The following XXYLT1 variants were observed in gnomAD, a reference collection of about 807,000 sequenced individuals.
The protein encoded by XXYLT1 is xyloside xylosyltransferase 1, also known as UDP-xylose:alpha-xyloside alpha-1,3-xylosyltransferase.
XXYLT1 carries 20 observed loss-of-function variants against 28.9 expected under a neutral mutation model. The observed-to-expected ratio is 0.69, with a 90% CI of 0.49 to 1.00. The LOEUF (loss-of-function observed/expected upper bound fraction) is 1.00, where lower values mean the gene tolerates loss of function less well. XXYLT1 is among the 50% of genes least tolerant of loss of function. The probability of loss-of-function intolerance (pLI) is 0.00; values close to 1 mark genes in which losing one functional copy is unlikely to be tolerated. For synonymous variants in XXYLT1, 257 were observed against 253.8 expected, an observed-to-expected ratio of 1.01 and a Z score of -0.12; for missense variants, 542 against 560.1, an observed-to-expected ratio of 0.97 and a Z score of 0.33.
chr3:195,146,983 G>A (rs1468330201), intron 3 of XXYLT1: 1 of 153,708 alleles, frequency 6.5e-6, no homozygotes, highest in African/African-American at 2.4e-5. Flanking sequence ...GGAACTACAG[G>A]TGCAGGCTAC....
Position 195,234,410 on chromosome 3 carries a change from C to T in XXYLT1, c.505-7554G>A, listed in dbSNP as rs188623285. The stretch of plus-strand genomic sequence containing the variant: ...TCAGCTCACTGCAACCTCTTGCCTC[C>T]CAGATTAAAGCGATTGTCCTGCCTC... On this transcript the variant is annotated intron_variant, in intron 1 of 3. Transcript: ENST00000310380. 2.0e-5 allele frequency among the ~76,000 whole-genome samples: 3 copies of T among 148,154 alleles called. No homozygotes were observed. The East Asian group carries it at 6.0e-4, about 30-fold the overall frequency.
rs114013441 is a variant in XXYLT1 at position 195,085,661 on chromosome 3, T to A, written c.786-15550A>T. Among the ~76,000 whole-genome samples, 405 of 152,268 alleles carry A rather than the reference T, an allele frequency of 2.7e-3. 2 individuals are homozygous for A. Among genetic ancestry groups the A allele is most frequent in the African/African-American group, 8.1e-3 (335 of 41,552 alleles). Reference sequence around the variant, plus strand: ...GAGCCACAACCGTGTCTGGTGACAATCCTAGTAGAGTTCCAGACTGATGCG... The same window carrying A: ...GAGCCACAACCGTGTCTGGTGACAAACCTAGTAGAGTTCCAGACTGATGCG... On this transcript the variant is annotated intron_variant, in intron 3 of 3. Transcript: ENST00000310380.
chr3:195,113,290 C>A (rs1398320169), intron 3 of XXYLT1, among the ~76,000 whole-genome samples: 1 of 152,220 alleles, frequency 6.6e-6, no homozygotes, highest in Non-Finnish European at 1.5e-5. Flanking sequence ...GGAAAAACGC[C>A]AGTTTCTGAC....
At chr3:195,142,487 C>T (rs1023505532) in intron 3 of XXYLT1, among the ~76,000 whole-genome samples, 4 of 152,226 alleles carry the variant, frequency 2.6e-5, no homozygotes, top group African/African-American at 2.4e-5. Flanking sequence ...CTATGAGAAC[C>T]GTAAGCCTGC....
In XXYLT1 at chr3:195,255,245, C is replaced by T. The variant is rs2108846207; in HGVS notation, c.504+15310G>A. On this transcript the variant is annotated intron_variant, in intron 1 of 3. Coordinates refer to ENST00000310380, the MANE Select transcript of XXYLT1 (RefSeq NM_152531.5). The surrounding 1 kb of genome is among the most constrained non-coding windows in gnomAD (Gnocchi z 4.5). ...CACAACAGGGAGCCGCCGACCAGGC[C>T]TGGAGATCCCTGTGACAGTCACGGC... is the stretch of plus-strand genomic sequence containing the variant. Among the ~76,000 whole-genome samples, 1 of 152,338 alleles carries T rather than the reference C, an allele frequency of 6.6e-6. No individual in the cohort carries two copies. Among genetic ancestry groups the T allele is most frequent in the South Asian group, 2.1e-4 (1 of 4,830 alleles).
chr3:195,156,162 G>C (rs1403000970), intron 3 of XXYLT1, among the ~76,000 whole-genome samples: 2 of 152,188 alleles, frequency 1.3e-5, no homozygotes, highest in Non-Finnish European at 2.9e-5. Flanking sequence ...CAAAGCCCAA[G>C]ATTTTAAAAT....
intron 1 of XXYLT1, among the ~76,000 whole-genome samples, chr3:195,263,919 G>T (rs1237401569): frequency 6.6e-6 from 1 of 152,140 alleles, no homozygotes; most frequent in Non-Finnish European, 1.5e-5. Flanking sequence ...CTATAGTGTC[G>T]ACGGGAAAAA....
chr3:195,076,074 G>A lies in XXYLT1; in HGVS notation c.786-5963C>T, dbSNP rs142975827. Among the ~76,000 whole-genome samples, 903 of 152,282 alleles carry A rather than the reference G, an allele frequency of 5.9e-3. 2 individuals carry two copies. Among genetic ancestry groups the A allele is most frequent in the African/African-American group, 0.02 (851 of 41,546 alleles). ...AGAAAGAACCAGCACCACGGCCTCC[G>A]CCTCCTGGAGCCTCTCCCCGCACGC... On this transcript the variant is annotated intron_variant, in intron 3 of 3. Coordinates refer to ENST00000310380, the MANE Select transcript of XXYLT1 (RefSeq NM_152531.5). The surrounding 1 kb of genome is among the most constrained non-coding windows in gnomAD (Gnocchi z 5.3).
At chr3:195,247,258 G>T (rs1236027673) in intron 1 of XXYLT1, among the ~76,000 whole-genome samples, 1 of 152,212 alleles carries the variant, frequency 6.6e-6, no homozygotes, top group Non-Finnish European at 1.5e-5. Context: ...GAAATCTGAG[G>T]GTGGTCGGTC....
At chr3:195,073,488 C>T (rs368454945) in intron 3 of XXYLT1, among the ~76,000 whole-genome samples, 3 of 152,162 alleles carry the variant, frequency 2.0e-5, no homozygotes, top group Non-Finnish European at 2.9e-5. Flanking sequence ...CCCTCCCCCC[C>T]TCATGCCCAC....
chr3:195,247,958 A>G (rs1725101108), intron 1 of XXYLT1: 1 of 562,876 alleles, frequency 1.8e-6, no homozygotes, highest in East Asian at 3.2e-5. Flanking sequence ...CTGTGGTCCA[A>G]TCACCTCCCA....
Position 195,150,256 on chromosome 3 carries a change from TAA to T in XXYLT1, c.785+6191_785+6192del, listed in dbSNP as rs1720122333. On this transcript the variant is annotated intron_variant, in intron 3 of 3. Coordinates refer to ENST00000310380, the MANE Select transcript of XXYLT1 (RefSeq NM_152531.5). This position sits in a 1 kb window ranked among gnomAD's most constrained non-coding sequence, Gnocchi z 4.7. Reference sequence around the variant, plus strand: ...GTTATAATCTCCATTTCTCATGAGCTAAAGAGACTAAGGCTCAGAGACGTCAA... The same window carrying T: ...GTTATAATCTCCATTTCTCATGAGCTAGAGACTAAGGCTCAGAGACGTCAA... Among the ~76,000 whole-genome samples the T allele has an allele frequency of 1.3e-5, 2 of 152,314 alleles. No homozygotes were observed. Among genetic ancestry groups the T allele is most frequent in the Admixed American group, 1.3e-4 (2 of 15,306 alleles).
chr3:195,232,550 C>T (rs1724347356), intron 1 of XXYLT1, among the ~76,000 whole-genome samples: 2 of 151,900 alleles, frequency 1.3e-5, no homozygotes, highest in African/African-American at 4.8e-5. Context: ...TACTGCTTTG[C>T]TGTATTTCAT....
intron 2 of XXYLT1, chr3:195,214,855 A>G (rs1419267993): frequency 6.6e-6 from 1 of 152,276 alleles, no homozygotes. Context: ...GCCCCTGCGC[A>G]AGGATGACAT....
chr3:195,079,977 C>G (rs745876247), intron 3 of XXYLT1, among the ~76,000 whole-genome samples: 1 of 151,952 alleles, frequency 6.6e-6, no homozygotes, highest in Non-Finnish European at 1.5e-5. Flanking sequence ...CACAGAAGGG[C>G]CCCCAGAACT....
chr3:195,193,097 C>T (rs1722489092), intron 2 of XXYLT1, among the ~76,000 whole-genome samples: 1 of 152,042 alleles, frequency 6.6e-6, no homozygotes, highest in Admixed American at 6.6e-5. Context: ...ATCAGCCTGG[C>T]CAACGTGGTG....
chr3:195,087,645 A>C (rs1188496172), intron 3 of XXYLT1, among the ~76,000 whole-genome samples: 2 of 152,230 alleles, frequency 1.3e-5, no homozygotes, highest in Non-Finnish European at 2.9e-5. Flanking sequence ...CAGCCAGATC[A>C]AAGCGGGCAT....
chr3:195,079,481 G>T (rs1715307201), intron 3 of XXYLT1, among the ~76,000 whole-genome samples: 2 of 151,326 alleles, frequency 1.3e-5, no homozygotes, highest in Non-Finnish European at 2.9e-5. Context: ...CTAATATTTA[G>T]TGAGGACTTA....
At chr3:195,178,331 C>A (rs56170710) in intron 2 of XXYLT1, among the ~76,000 whole-genome samples, 4,477 of 152,268 alleles carry the variant, frequency 0.029, 104 homozygotes, top group South Asian at 0.065. Flanking sequence ...CCAGACCAGT[C>A]TCCTTTCTCC....
Sources: gnomAD v4.1 joint callset for allele counts (sites outside exome capture counted in the v4.1 genomes callset) on GRCh38, gnomAD v4.1.1 for gene constraint, Gnocchi (gnomAD v3.1) non-coding constraint, MANE v1.5 for transcripts, NCBI Gene and HGNC (gene_info 2026-07-23, HGNC 2026-07-21) for gene names.